The following ADAMTS6 variants were observed in gnomAD, a reference collection of about 807,000 sequenced individuals.
ADAMTS6 encodes the protein ADAM metallopeptidase with thrombospondin type 1 motif 6.
ADAMTS6 carries 23 observed loss-of-function variants against 144.3 expected under a neutral mutation model. The observed-to-expected ratio is 0.16, with a 90% CI of 0.11 to 0.23. The LOEUF (loss-of-function observed/expected upper bound fraction) is 0.23, where lower values mean the gene tolerates loss of function less well. ADAMTS6 is among the 10% of genes least tolerant of loss of function. ADAMTS6 has a pLI of 1.00. For synonymous variants in ADAMTS6, 444 were observed against 457.5 expected, an observed-to-expected ratio of 0.97 and a Z score of 0.38; for missense variants, 999 against 1,379.6, an observed-to-expected ratio of 0.72 and a Z score of 4.37.
intron 7 of ADAMTS6, among the ~76,000 whole-genome samples, chr5:65,385,926 G>A (rs1752435176): frequency 6.6e-6 from 1 of 152,198 alleles, no homozygotes; most frequent in Non-Finnish European, 1.5e-5. Flanking sequence ...TATTTTGGCT[G>A]AGCATTGGAG....
chr5:65,259,222 A>AT (rs200053496), intron 14 of ADAMTS6, among the ~76,000 whole-genome samples: 1,463 of 144,364 alleles, frequency 0.01, 20 homozygotes, highest in African/African-American at 0.034. Context: ...TATATATATA[A>AT]AATTAGCCAG....
At chr5:65,369,637 G>C (rs1028286824) in intron 7 of ADAMTS6, among the ~76,000 whole-genome samples, 3 of 151,346 alleles carry the variant, frequency 2.0e-5, no homozygotes, top group African/African-American at 7.3e-5. Context: ...GAAATTCTAA[G>C]CACTCATATA....
intron 7 of ADAMTS6, among the ~76,000 whole-genome samples, chr5:65,434,694 T>C (rs10044431): frequency 0.02 from 3,006 of 152,154 alleles, 99 homozygotes; most frequent in African/African-American, 0.069. Context: ...CCAATAATAA[T>C]AAAAAAACTA....
Position 65,206,838 on chromosome 5 carries a change from T to TCACACA in ADAMTS6, c.2575+7950_2575+7955dup, listed in dbSNP as rs147509641. Among the ~76,000 whole-genome samples the TCACACA allele has an allele frequency of 7.4e-4, 107 of 145,130 alleles. No individual in the cohort carries two copies. The East Asian group carries it at 7.4e-3, about 10-fold the overall frequency. ...TTTTTTTTCTCTCTCTCTCTCTCTC[T>TCACACA]CACACACACACACACACACACACAC... On this transcript the variant is annotated intron_variant, in intron 20 of 24. Coordinates refer to ENST00000381055, the MANE Select transcript of ADAMTS6 (RefSeq NM_197941.4).
At chr5:65,392,007 A>G (rs968221398) in intron 7 of ADAMTS6, among the ~76,000 whole-genome samples, 8 of 152,268 alleles carry the variant, frequency 5.3e-5, no homozygotes, top group Middle Eastern at 3.4e-3. Context: ...AAGTGCTGAG[A>G]TTATAGGCAT....
chr5:65,340,757 T>C (rs983676029), intron 7 of ADAMTS6, among the ~76,000 whole-genome samples: 20 of 151,720 alleles, frequency 1.3e-4, no homozygotes, highest in African/African-American at 4.4e-4. Flanking sequence ...AGGTATTCCA[T>C]GCAAACCGAA....
intron 10 of ADAMTS6, 94 bp downstream of exon 10, chr5:65,299,891 A>C (rs1422652563): frequency 2.9e-6 from 4 of 1,379,162 alleles, no homozygotes; most frequent in Admixed American, 2.4e-5. Flanking sequence ...TATAAAACTT[A>C]CTCATTATGC....
chr5:65,296,068 C>T (rs1219921058), intron 10 of ADAMTS6, among the ~76,000 whole-genome samples: 4 of 151,976 alleles, frequency 2.6e-5, no homozygotes, highest in African/African-American at 7.2e-5. Flanking sequence ...ACAGTTATAC[C>T]ATAAAATATG....
chr5:65,173,059 A>G, intron 22 of ADAMTS6, 51 bp from the exon 23 acceptor site: 1 of 1,548,588 alleles, frequency 6.5e-7, no homozygotes, highest in Non-Finnish European at 8.8e-7. Flanking sequence ...AGACAGAGGA[A>G]AATTTGAAGA....
At chr5:65,456,314 G>C (rs1759198448) in intron 4 of ADAMTS6, among the ~76,000 whole-genome samples, 1 of 152,054 alleles carries the variant, frequency 6.6e-6, no homozygotes, top group Non-Finnish European at 1.5e-5. Context: ...ATTTTGATTA[G>C]ATTATAGCAT....
intron 3 of ADAMTS6, among the ~76,000 whole-genome samples, chr5:65,466,588 A>T (rs1311601141): frequency 6.6e-6 from 1 of 152,188 alleles, no homozygotes; most frequent in Non-Finnish European, 1.5e-5. Context: ...GAAGGTACTT[A>T]TAAGTATTAG....
intron 21 of ADAMTS6, among the ~76,000 whole-genome samples, chr5:65,190,985 G>A (rs1316338459): frequency 8.6e-5 from 13 of 151,998 alleles, no homozygotes; most frequent in Non-Finnish European, 1.5e-4. Flanking sequence ...CCTTCTCCAC[G>A]TATTTGACCC....
intron 9 of ADAMTS6, among the ~76,000 whole-genome samples, chr5:65,328,778 T>G (rs1231856812): frequency 1.1e-4 from 17 of 150,970 alleles, no homozygotes; most frequent in African/African-American, 3.2e-4. Context: ...TTTGCATGGG[T>G]GGGGGCAGGG....
intron 9 of ADAMTS6, among the ~76,000 whole-genome samples, chr5:65,307,630 G>A (rs1384957691): frequency 6.6e-6 from 1 of 152,148 alleles, no homozygotes; most frequent in Admixed American, 6.6e-5. Flanking sequence ...CTGCTCATGG[G>A]ATCAGGGACC....
At chr5:65,187,474 A>G (rs900645827) in intron 22 of ADAMTS6, among the ~76,000 whole-genome samples, 2 of 152,250 alleles carry the variant, frequency 1.3e-5, no homozygotes, top group South Asian at 2.1e-4. Flanking sequence ...CAGTTGAAAT[A>G]GAAGACATAA....
intron 7 of ADAMTS6, among the ~76,000 whole-genome samples, chr5:65,370,186 G>A (rs1003079026): frequency 5.3e-5 from 8 of 152,182 alleles, no homozygotes; most frequent in Non-Finnish European, 1.2e-4. Flanking sequence ...GAGGCAGGTG[G>A]ATCATGAGAT....
intron 9 of ADAMTS6, among the ~76,000 whole-genome samples, chr5:65,325,641 ATGCCACCACACCT>A (rs1746091424): frequency 3.3e-5 from 5 of 151,944 alleles, no homozygotes; most frequent in Admixed American, 3.3e-4. Flanking sequence ...ACTACGGTGC[ATGCCACCACACCT>A]TGCTAATTTC....
At chr5:65,227,468 A>G (rs1311861502) in intron 15 of ADAMTS6, among the ~76,000 whole-genome samples, 3 of 152,226 alleles carry the variant, frequency 2.0e-5, no homozygotes, top group Non-Finnish European at 4.4e-5. Context: ...TTCTTTTGTA[A>G]TTCTACTTCA....
intron 9 of ADAMTS6, among the ~76,000 whole-genome samples, chr5:65,316,075 A>AT (rs968304977): frequency 3.3e-5 from 5 of 151,978 alleles, no homozygotes; most frequent in South Asian, 4.1e-4. Flanking sequence ...TCACACGCTA[A>AT]TTTTTTTGTA....
Sources: gnomAD v4.1 joint callset for allele counts (sites outside exome capture counted in the v4.1 genomes callset) on GRCh38, gnomAD v4.1.1 for gene constraint, MANE v1.5 for transcripts, NCBI Gene and HGNC (gene_info 2026-07-23, HGNC 2026-07-21) for gene names.